Variants in NAALADL2 observed in about 807,000 individuals in gnomAD.
NAALADL2 encodes N-acetylated alpha-linked acidic dipeptidase like 2, also known as inactive N-acetylated-alpha-linked acidic dipeptidase-like protein 2.
NAALADL2 carries 76 observed loss-of-function variants against 87.2 expected under a neutral mutation model. The ratio of observed to expected loss-of-function variants is 0.87; its 90% CI spans 0.72 to 1.05. The LOEUF is 1.05. NAALADL2 is among the 50% of genes least tolerant of loss of function. The pLI is 0.00. For synonymous variants in NAALADL2, 354 were observed against 331.0 expected (o/e 1.07, Z -0.75); for missense variants, 1,089 against 945.8 (o/e 1.15, Z -1.99).
intron 3 of NAALADL2, among the ~76,000 whole-genome samples, chr3:174,796,820 T>C (rs1310162714): frequency 6.6e-6 from 1 of 151,984 alleles, no homozygotes; most frequent in Non-Finnish European, 1.5e-5. Flanking sequence ...GTCCACTTTT[T>C]AATGGGATTA....
chr3:175,216,981 G>GTAAATATTCTTATC (rs1409860647), intron 2 of NAALADL2, among the ~76,000 whole-genome samples: 1 of 152,080 alleles, frequency 6.6e-6, no homozygotes, highest in Non-Finnish European at 1.5e-5. Flanking sequence ...ATATTTAAAT[G>GTAAATATTCTTATC]TTGGTAAAAC....
chr3:175,076,484 A>G (rs549421054), intron 1 of NAALADL2, among the ~76,000 whole-genome samples: 6 of 152,282 alleles, frequency 3.9e-5, no homozygotes, highest in African/African-American at 1.2e-4. Flanking sequence ...ATTAAGAAGT[A>G]AGAAAAACAC....
chr3:175,454,109 A>C (rs1321070914), intron 6 of NAALADL2, among the ~76,000 whole-genome samples: 1 of 152,086 alleles, frequency 6.6e-6, no homozygotes, highest in Non-Finnish European at 1.5e-5. Context: ...AATAGCAAAT[A>C]ATTTCCAATT....
chr3:175,698,483 T>TTTTATATATATATATA (rs1398396262), intron 11 of NAALADL2, among the ~76,000 whole-genome samples: 22 of 67,740 alleles, frequency 3.2e-4, no homozygotes, highest in Middle Eastern at 9.3e-3. Flanking sequence ...GTATATATAT[T>TTTTATATATATATATA]TATATATATA....
intron 3 of NAALADL2, among the ~76,000 whole-genome samples, chr3:175,254,601 A>G (rs1030932674): frequency 9.9e-5 from 15 of 152,208 alleles, no homozygotes; most frequent in African/African-American, 2.2e-4. Context: ...TACATTACCA[A>G]TTGAGTAATA....
rs570869297 is a variant in NAALADL2, at chr3:175,283,870, C to T, written c.939+27340C>T. Reference sequence around the variant, plus strand: ...TAGAGAGATTTATCTCTATACCAAACGTTCTAATCTTCCTCAAGGAAGGCC... The same window carrying T: ...TAGAGAGATTTATCTCTATACCAAATGTTCTAATCTTCCTCAAGGAAGGCC... On this transcript the variant is annotated intron_variant, in intron 4 of 13. Coordinates refer to ENST00000454872, the MANE Select transcript of NAALADL2 (RefSeq NM_207015.3). 9.2e-5 allele frequency among the ~76,000 whole-genome samples: 14 copies of T among 152,194 alleles called. No homozygotes were observed. In the South Asian group the frequency reaches 1.0e-3, roughly 11 times the overall value.
At chr3:175,702,003 G>A (rs1739060496) in intron 11 of NAALADL2, among the ~76,000 whole-genome samples, 1 of 152,010 alleles carries the variant, frequency 6.6e-6, no homozygotes, top group Non-Finnish European at 1.5e-5. Context: ...TCCCATAAGA[G>A]CTAATATTTT....
intron 1 of NAALADL2, among the ~76,000 whole-genome samples, chr3:174,455,182 A>C (rs1715752859): frequency 6.6e-6 from 1 of 152,220 alleles, no homozygotes; most frequent in South Asian, 2.1e-4. Context: ...TACCAGAAAG[A>C]AAGTGAATCC....
At chr3:175,674,757 A>G (rs1454407246) in intron 11 of NAALADL2, among the ~76,000 whole-genome samples, 2 of 152,192 alleles carry the variant, frequency 1.3e-5, no homozygotes, top group Non-Finnish European at 2.9e-5. Context: ...ATAAAGTAAA[A>G]AAAAGACTTA....
chr3:175,542,437 A>G (rs1395304072), intron 9 of NAALADL2, among the ~76,000 whole-genome samples: 1 of 152,220 alleles, frequency 6.6e-6, no homozygotes, highest in East Asian at 1.9e-4. Flanking sequence ...GTGCATATTC[A>G]AGTCCTGCAG....
At chr3:174,842,185 G>A (rs1324621078) in intron 3 of NAALADL2, among the ~76,000 whole-genome samples, 1 of 151,866 alleles carries the variant, frequency 6.6e-6, no homozygotes, top group Non-Finnish European at 1.5e-5. Context: ...CTGAATAGCT[G>A]GGATTACAGC....
chr3:175,299,128 A>G (rs757277966), intron 4 of NAALADL2, among the ~76,000 whole-genome samples: 1 of 152,130 alleles, frequency 6.6e-6, no homozygotes. Flanking sequence ...ATTGGTCTAT[A>G]TATCTGTTTT....
intron 10 of NAALADL2, among the ~76,000 whole-genome samples, chr3:175,577,797 A>G (rs1416448022): frequency 5.3e-5 from 8 of 152,208 alleles, no homozygotes; most frequent in Admixed American, 5.2e-4. Flanking sequence ...AATGCTTGAG[A>G]TGAAATAATT....
At chr3:174,717,082 T>C (rs1483400140) in intron 2 of NAALADL2, among the ~76,000 whole-genome samples, 3 of 152,206 alleles carry the variant, frequency 2.0e-5, no homozygotes, top group Non-Finnish European at 4.4e-5. Flanking sequence ...ATGACTTTTC[T>C]TCCTCAATGT....
At chr3:174,830,638 G>C (rs1349817266) in intron 3 of NAALADL2, among the ~76,000 whole-genome samples, 1 of 151,730 alleles carries the variant, frequency 6.6e-6, no homozygotes, top group Admixed American at 6.6e-5. Flanking sequence ...AGTTTTTTCT[G>C]TGAAGAAAGG....
intron 13 of NAALADL2, among the ~76,000 whole-genome samples, chr3:175,788,748 A>G (rs1238333327): frequency 1.3e-5 from 2 of 152,222 alleles, no homozygotes; most frequent in African/African-American, 4.8e-5. Context: ...TCACATAAAT[A>G]TATTTCTTAG....
intron 11 of NAALADL2, among the ~76,000 whole-genome samples, chr3:175,685,042 G>T (rs1194350808): frequency 2.0e-5 from 3 of 152,166 alleles, no homozygotes; most frequent in Non-Finnish European, 2.9e-5. Flanking sequence ...AAAATTTAGT[G>T]CAGAATTCTC....
chr3:175,627,983 T>C (rs1727223582), intron 11 of NAALADL2, among the ~76,000 whole-genome samples: 1 of 151,696 alleles, frequency 6.6e-6, no homozygotes, highest in Admixed American at 6.6e-5. Flanking sequence ...GGCTACTTTT[T>C]AAAATGAAAA....
At chr3:175,287,090 A>G (rs944843269) in intron 4 of NAALADL2, among the ~76,000 whole-genome samples, 2 of 152,114 alleles carry the variant, frequency 1.3e-5, no homozygotes, top group African/African-American at 4.8e-5. Context: ...ACTGAGACCT[A>G]GTTTCAAACA....
Sources: allele counts gnomAD v4.1 joint callset (sites outside exome capture counted in the v4.1 genomes callset), GRCh38; gene constraint gnomAD v4.1.1; transcripts MANE v1.5; gene names NCBI Gene and HGNC (gene_info 2026-07-23, HGNC 2026-07-21).